Variants in DRC11 observed in about 807,000 individuals in gnomAD.
DRC11 encodes the protein dynein regulatory complex subunit 11, also known as IQ and AAA domain-containing protein 1.
At chr2:236,380,580 C>T in the DRC11 span, 5 of 1,551,562 alleles carry the variant, frequency 3.2e-6, no homozygotes, top group Non-Finnish European at 1.7e-6. This position sits in a 1 kb window ranked among gnomAD's most constrained non-coding sequence, Gnocchi z 4.9. Flanking sequence ...TGTCAGCTGT[C>T]AGATCTTTAT....
the DRC11 span, among the ~76,000 whole-genome samples, chr2:236,366,920 C>T: frequency 4.6e-5 from 7 of 151,672 alleles, no homozygotes; most frequent in Admixed American, 2.0e-4. Flanking sequence ...AGCAATTTTC[C>T]AGCCTCAGCC....
chr2:236,447,006 T>C, the DRC11 span, among the ~76,000 whole-genome samples: 1 of 151,476 alleles, frequency 6.6e-6, no homozygotes, highest in Non-Finnish European at 1.5e-5. This position sits in a 1 kb window ranked among gnomAD's most constrained non-coding sequence, Gnocchi z 4.6. Context: ...CACTCCCCCG[T>C]AGATCTGCAG....
At chr2:236,474,651 T>G in the DRC11 span, among the ~76,000 whole-genome samples, 3 of 152,170 alleles carry the variant, frequency 2.0e-5, no homozygotes, top group Non-Finnish European at 4.4e-5. Context: ...AACAATTGTT[T>G]TTATCATTAC....
chr2:236,372,938 T>C, the DRC11 span, among the ~76,000 whole-genome samples: 1 of 152,150 alleles, frequency 6.6e-6, no homozygotes, highest in Non-Finnish European at 1.5e-5. The surrounding 1 kb of genome is among the most constrained non-coding windows in gnomAD (Gnocchi z 4.5). Flanking sequence ...TTTCTGTTCC[T>C]TTGCTTTGAT....
At chr2:236,362,431 A>G in the DRC11 span, among the ~76,000 whole-genome samples, 1 of 152,170 alleles carries the variant, frequency 6.6e-6, no homozygotes, top group African/African-American at 2.4e-5. This position sits in a 1 kb window ranked among gnomAD's most constrained non-coding sequence, Gnocchi z 5.7. Flanking sequence ...ATGATGATCC[A>G]CTTCCACTTA....
chr2:236,449,794 C>T, the DRC11 span, among the ~76,000 whole-genome samples: 1 of 152,170 alleles, frequency 6.6e-6, no homozygotes, highest in Non-Finnish European at 1.5e-5. This position sits in a 1 kb window ranked among gnomAD's most constrained non-coding sequence, Gnocchi z 5.1. Context: ...CACCTCCCCT[C>T]CCCAGCTAGT....
the DRC11 span, chr2:236,486,679 G>A: frequency 1.6e-6 from 1 of 626,312 alleles, no homozygotes; most frequent in Non-Finnish European, 2.9e-6. This position sits in a 1 kb window ranked among gnomAD's most constrained non-coding sequence, Gnocchi z 5.7. Context: ...ATCTCCCTGG[G>A]CAGGCTTCTG....
At chr2:236,399,956 ATC>A in the DRC11 span, among the ~76,000 whole-genome samples, 1 of 151,984 alleles carries the variant, frequency 6.6e-6, no homozygotes, top group East Asian at 1.9e-4. This position sits in a 1 kb window ranked among gnomAD's most constrained non-coding sequence, Gnocchi z 7.0. Context: ...AGCTCAGGCA[ATC>A]TGTCCCCCTC....
chr2:236,421,650 A>G, the DRC11 span, among the ~76,000 whole-genome samples: 12 of 152,230 alleles, frequency 7.9e-5, no homozygotes, highest in Admixed American at 7.2e-4. Flanking sequence ...AGCTGGTACC[A>G]TTCCTTCTGA....
chr2:236,398,348 T>C, the DRC11 span, among the ~76,000 whole-genome samples: 1 of 152,242 alleles, frequency 6.6e-6, no homozygotes, highest in Non-Finnish European at 1.5e-5. This position sits in a 1 kb window ranked among gnomAD's most constrained non-coding sequence, Gnocchi z 6.2. Context: ...TTTTATCTTA[T>C]ATCACTAGCA....
the DRC11 span, among the ~76,000 whole-genome samples, chr2:236,373,516 G>A: frequency 6.6e-6 from 1 of 152,130 alleles, no homozygotes; most frequent in Admixed American, 6.5e-5. Flanking sequence ...CTCCCAAAGT[G>A]CTGGAACTAC....
the DRC11 span, among the ~76,000 whole-genome samples, chr2:236,453,932 G>A: frequency 2.0e-5 from 3 of 152,196 alleles, no homozygotes; most frequent in Admixed American, 6.5e-5. The surrounding 1 kb of genome is among the most constrained non-coding windows in gnomAD (Gnocchi z 4.9). Context: ...ATGAGCCACC[G>A]TGCCCGGCCC....
the DRC11 span, among the ~76,000 whole-genome samples, chr2:236,346,306 C>G: frequency 2.0e-5 from 3 of 152,202 alleles, no homozygotes; most frequent in African/African-American, 7.2e-5. Context: ...GCTGCCTCCT[C>G]CTGGAGGCCT....
chr2:236,469,723 T>C, the DRC11 span, among the ~76,000 whole-genome samples: 1 of 152,268 alleles, frequency 6.6e-6, no homozygotes, highest in Non-Finnish European at 1.5e-5. This position sits in a 1 kb window ranked among gnomAD's most constrained non-coding sequence, Gnocchi z 5.8. Context: ...CCTATGTTAA[T>C]GAGCAGCTTT....
At chr2:236,431,370 A>G in the DRC11 span, among the ~76,000 whole-genome samples, 2 of 152,202 alleles carry the variant, frequency 1.3e-5, no homozygotes, top group African/African-American at 4.8e-5. This position sits in a 1 kb window ranked among gnomAD's most constrained non-coding sequence, Gnocchi z 4.2. Context: ...CCTTCTTCAC[A>G]TGGCAACAGG....
chr2:236,414,544 G>T, the DRC11 span, among the ~76,000 whole-genome samples: 9 of 152,018 alleles, frequency 5.9e-5, no homozygotes, highest in Admixed American at 2.0e-4. Flanking sequence ...CAGGCTGGGT[G>T]CCAACTCCTG....
chr2:236,459,929 T>C, the DRC11 span, among the ~76,000 whole-genome samples: 5 of 151,980 alleles, frequency 3.3e-5, no homozygotes, highest in African/African-American at 1.2e-4. Flanking sequence ...GCTGACTCAA[T>C]GAGATAAGCA....
chr2:236,313,315 T>C, the DRC11 span, among the ~76,000 whole-genome samples: 4 of 152,128 alleles, frequency 2.6e-5, no homozygotes, highest in African/African-American at 7.2e-5. This position sits in a 1 kb window ranked among gnomAD's most constrained non-coding sequence, Gnocchi z 4.5. Flanking sequence ...ACTATAAACA[T>C]AACTTTGTAC....
chr2:236,366,422 A>G, the DRC11 span, among the ~76,000 whole-genome samples: 16 of 152,326 alleles, frequency 1.1e-4, no homozygotes, highest in East Asian at 1.9e-4. Flanking sequence ...TAATGTATGA[A>G]ATGTAAATCA....
Sources: allele counts gnomAD v4.1 joint callset (sites outside exome capture counted in the v4.1 genomes callset), GRCh38; gene constraint gnomAD v4.1.1; non-coding constraint Gnocchi (gnomAD v3.1); transcripts MANE v1.5; gene names NCBI Gene and HGNC (gene_info 2026-07-23, HGNC 2026-07-21).